The following IKZF1 variants were observed in gnomAD, a reference collection of about 807,000 sequenced individuals.
IKZF1 encodes IKAROS family zinc finger 1.
In IKZF1, 10 loss-of-function variants were observed where a neutral mutation model predicts 51.7. The ratio of observed to expected loss-of-function variants is 0.19; its 90% CI spans 0.12 to 0.33. The LOEUF is 0.33. Among genes scored for constraint, IKZF1 ranks in the 10% least tolerant of loss-of-function variants. The probability of loss-of-function intolerance (pLI) is 1.00; values close to 1 mark genes in which losing one functional copy is unlikely to be tolerated. For synonymous variants in IKZF1, 280 were observed against 282.3 expected (o/e 0.99, Z 0.08); for missense variants, 484 against 707.5 (o/e 0.68, Z 3.58).
chr7:50,316,629 A>C (rs1446196366), intron 1 of IKZF1, among the ~76,000 whole-genome samples: 1 of 152,250 alleles, frequency 6.6e-6, no homozygotes, highest in East Asian at 1.9e-4. Flanking sequence ...GAAGGTTCCC[A>C]CAGAGCAGAG....
chr7:50,366,831 A>G (rs921371206), intron 3 of IKZF1, among the ~76,000 whole-genome samples: 3 of 152,246 alleles, frequency 2.0e-5, no homozygotes, highest in Non-Finnish European at 2.9e-5. Flanking sequence ...CAACAAGAAC[A>G]GCAAAGGTTA....
chr7:50,327,698 C>G lies in IKZF1; in HGVS notation c.101C>G (p.Pro34Arg), dbSNP rs2153384763. 1 of 1,613,666 alleles carries G rather than the reference C, an allele frequency of 6.2e-7. No homozygotes were observed. The highest frequency in any genetic ancestry group is 8.5e-7 in the Non-Finnish European group (1 of 1,179,782). The part of the protein sequence containing the change: ...PDEGDEPMPI[P>R]EDLSTTSGGQ... ...GAGGGCGATGAGCCCATGCCGATCC[C>G]CGAGGACCTCTCCACCACCTCGGGA... The change falls in exon 3 of 8, where the codon CCC becomes CGC. Residue 34 changes from proline (P) to arginine (R), a missense_variant. Pro to Arg is a moderately radical substitution (Grantham distance 103). Around this residue, in one of 6 missense-constraint regions of IKZF1, gnomAD observed 118 missense variants for 138.4 expected, o/e 0.85. Coordinates refer to ENST00000331340, the MANE Select transcript of IKZF1 (RefSeq NM_006060.6).
intron 5 of IKZF1, among the ~76,000 whole-genome samples, chr7:50,386,442 C>T (rs1290693668): frequency 1.3e-5 from 2 of 152,236 alleles, no homozygotes; most frequent in Non-Finnish European, 2.9e-5. Context: ...TTGGACAGCA[C>T]TAATAGAGAG....
chr7:50,401,861 C>G lies in IKZF1; in HGVS notation c.*1234C>G, dbSNP rs1020310024. ...GCTCACCTGTTTGAAACCAAGCTTT[C>G]AAACATGTTGAAGCTCTTTACTGTA... On this transcript the variant is annotated 3_prime_UTR_variant, in exon 8 of 8. Coordinates refer to ENST00000331340, the MANE Select transcript of IKZF1 (RefSeq NM_006060.6). 1 of 225,674 alleles carries G rather than the reference C, an allele frequency of 4.4e-6. No individual in the cohort carries two copies. Among genetic ancestry groups the G allele is most frequent in the Non-Finnish European group, 8.8e-6 (1 of 113,234 alleles). The allele number at this position is 225,674 out of a possible 1,614,324, so 14.0% of individuals were successfully genotyped here. A position where few individuals can be genotyped will look rare whatever the true frequency, so the allele number is the denominator to read the frequency against.
intron 3 of IKZF1, among the ~76,000 whole-genome samples, chr7:50,354,412 A>G (rs543141592): frequency 6.6e-6 from 1 of 152,272 alleles, no homozygotes; most frequent in African/African-American, 2.4e-5. Context: ...CCCGTTCCAA[A>G]GCCTCCCAGG....
chr7:50,362,130 G>A (rs1297808692), intron 3 of IKZF1, among the ~76,000 whole-genome samples: 1 of 152,200 alleles, frequency 6.6e-6, no homozygotes, highest in African/African-American at 2.4e-5. Flanking sequence ...CTAATCTTCT[G>A]TCAAGTTCTC....
rs933737919 is a variant in IKZF1 at position 50,318,305 on chromosome 7, T to C, written c.-14-743T>C. On this transcript the variant is annotated intron_variant, in intron 1 of 7. Coordinates refer to ENST00000331340, the MANE Select transcript of IKZF1 (RefSeq NM_006060.6). The stretch of plus-strand genomic sequence containing the variant: ...CCCAGTTGTTTCTTTCTTTTCTTTT[T>C]TTTTTTTAATTTAAACCGATCTGAG... 2.6e-5 allele frequency: 6 copies of C among 229,586 alleles called. 1 individual carries two copies. The highest frequency in any genetic ancestry group is 2.6e-3 in the Middle Eastern group (2 of 762). 14.2% of individuals were successfully genotyped at this position (229,586 alleles called of 1,614,324 possible).
At chr7:50,342,882 G>A (rs1190849099) in intron 3 of IKZF1, among the ~76,000 whole-genome samples, 2 of 152,150 alleles carry the variant, frequency 1.3e-5, no homozygotes, top group East Asian at 1.9e-4. Flanking sequence ...CTCCTGTGGC[G>A]GCTGCATTTC....
intron 3 of IKZF1, among the ~76,000 whole-genome samples, chr7:50,374,213 C>T (rs1353757629): frequency 6.6e-6 from 1 of 152,196 alleles, no homozygotes; most frequent in Admixed American, 6.5e-5. Context: ...TGGGTTCAGC[C>T]TCTGGAAATT....
intron 3 of IKZF1, among the ~76,000 whole-genome samples, chr7:50,355,618 C>CCAATAAAT (rs1562811093): frequency 5.7e-5 from 3 of 52,618 alleles, no homozygotes; most frequent in African/African-American, 9.0e-5. Flanking sequence ...TGTTAGCTTG[C>CCAATAAAT]GAATAAATAA....
chr7:50,367,765 C>T, intron 3 of IKZF1: 1 of 475,898 alleles, frequency 2.1e-6, no homozygotes. Context: ...AGTAATTGCT[C>T]CAAACCACTT....
chr7:50,314,744 C>G (rs1791067558), intron 1 of IKZF1, among the ~76,000 whole-genome samples: 1 of 152,214 alleles, frequency 6.6e-6, no homozygotes, highest in African/African-American at 2.4e-5. Context: ...AGACCCGCCT[C>G]CACAGGAGCC....
At chr7:50,372,513 A>T (rs1246265639) in intron 3 of IKZF1, among the ~76,000 whole-genome samples, 6 of 152,232 alleles carry the variant, frequency 3.9e-5, no homozygotes, top group African/African-American at 7.2e-5. Flanking sequence ...AAACGTTTTG[A>T]GCATTTGCTG....
chr7:50,325,070 G>C (rs1236065329), intron 2 of IKZF1, among the ~76,000 whole-genome samples: 2 of 152,018 alleles, frequency 1.3e-5, no homozygotes, highest in Non-Finnish European at 2.9e-5. Flanking sequence ...TTACTCATTG[G>C]GATAGCATGT....
At chr7:50,310,650 C>G (rs1789946847) in intron 1 of IKZF1, among the ~76,000 whole-genome samples, 1 of 152,200 alleles carries the variant, frequency 6.6e-6, no homozygotes, top group Non-Finnish European at 1.5e-5. Flanking sequence ...GCATGAGTGT[C>G]TTAAGAATGC....
intron 5 of IKZF1, among the ~76,000 whole-genome samples, chr7:50,385,741 A>G (rs1021910915): frequency 7.9e-5 from 12 of 152,274 alleles, no homozygotes; most frequent in African/African-American, 2.7e-4. Context: ...CTTTTTCAGG[A>G]AAGGGTATCG....
intron 1 of IKZF1, among the ~76,000 whole-genome samples, chr7:50,314,836 C>G (rs147021671): frequency 4.6e-4 from 70 of 152,318 alleles, no homozygotes; most frequent in African/African-American, 1.7e-3. Flanking sequence ...GCCAGTCTTG[C>G]CAAGGCTCCT....
chr7:50,341,616 C>T (rs1308397294), intron 3 of IKZF1, among the ~76,000 whole-genome samples: 1 of 152,112 alleles, frequency 6.6e-6, no homozygotes, highest in African/African-American at 2.4e-5. Flanking sequence ...GAAATTCCAG[C>T]GTAGCACTGT....
At chr7:50,380,503 G>T (rs1424150826) in intron 4 of IKZF1, among the ~76,000 whole-genome samples, 1 of 152,214 alleles carries the variant, frequency 6.6e-6, no homozygotes, top group African/African-American at 2.4e-5. Context: ...AGCACGGAAG[G>T]GGGTCTTTCC....
Sources: gnomAD v4.1 joint callset for allele counts (sites outside exome capture counted in the v4.1 genomes callset) on GRCh38, gnomAD v4.1.1 for gene constraint, gnomAD v4.1.1 regional missense constraint, MANE v1.5 for transcripts, NCBI Gene and HGNC (gene_info 2026-07-23, HGNC 2026-07-21) for gene names.